EDIL3: variants seen among roughly 807,000 people sequenced by gnomAD.
EDIL3 encodes EGF like and discoidin domains 3.
EDIL3 carries 37 observed loss-of-function variants against 67.4 expected under a neutral mutation model. That is an observed-to-expected ratio of 0.55 (90% CI 0.42 to 0.72). The LOEUF (loss-of-function observed/expected upper bound fraction) is 0.72, where lower values mean the gene tolerates loss of function less well. Among genes scored for constraint, EDIL3 ranks in the 30% least tolerant of loss-of-function variants. The pLI is 0.00. For synonymous variants in EDIL3, 195 were observed against 196.3 expected, an observed-to-expected ratio of 0.99 and a Z score of 0.05; for missense variants, 527 against 586.3, an observed-to-expected ratio of 0.90 and a Z score of 1.04.
intron 1 of EDIL3, among the ~76,000 whole-genome samples, chr5:84,370,281 A>T (rs2112211165): frequency 6.6e-6 from 1 of 152,350 alleles, no homozygotes; most frequent in African/African-American, 2.4e-5. Context: ...TTACACAAAC[A>T]ACTCTAAACA....
At chr5:84,294,721 C>T (rs1746007366) in intron 1 of EDIL3, among the ~76,000 whole-genome samples, 2 of 152,110 alleles carry the variant, frequency 1.3e-5, no homozygotes, top group Non-Finnish European at 2.9e-5. Context: ...AATTGGCCAA[C>T]ATTTACTAGT....
Position 84,208,901 on chromosome 5 carries a change from T to G in EDIL3, c.226+20954A>C, listed in dbSNP as rs548956155. Among the ~76,000 whole-genome samples, 275 of 152,136 alleles carry G rather than the reference T, an allele frequency of 1.8e-3. 2 individuals are homozygous for G. Among genetic ancestry groups the G allele is most frequent in the African/African-American group, 6.4e-3 (266 of 41,484 alleles). Reference sequence around the variant, plus strand: ...TATATACCCAAAGGACTATAAATCATGCTGCTATAAAGACACATGCACATC... The same window carrying G: ...TATATACCCAAAGGACTATAAATCAGGCTGCTATAAAGACACATGCACATC... On this transcript the variant is annotated intron_variant, in intron 3 of 10. Coordinates refer to ENST00000296591, the MANE Select transcript of EDIL3 (RefSeq NM_005711.5).
chr5:84,324,843 A>G (rs1413420195), intron 1 of EDIL3, among the ~76,000 whole-genome samples: 2 of 151,758 alleles, frequency 1.3e-5, no homozygotes, highest in Non-Finnish European at 3.0e-5. Context: ...AAGCACTGTC[A>G]TCACTAAATG....
intron 6 of EDIL3, among the ~76,000 whole-genome samples, chr5:84,092,097 A>C (rs913512360): frequency 6.6e-6 from 1 of 152,142 alleles, no homozygotes; most frequent in Admixed American, 6.5e-5. Context: ...GGGGCAATTT[A>C]ACTGGTCATG....
intron 2 of EDIL3, among the ~76,000 whole-genome samples, chr5:84,248,648 CT>C (rs1161155256): frequency 1.3e-5 from 2 of 152,274 alleles, no homozygotes; most frequent in Non-Finnish European, 2.9e-5. Flanking sequence ...ATGTGAAATA[CT>C]GAACTCTCCT....
At chr5:83,960,122 C>T (rs1185550879) in intron 10 of EDIL3, among the ~76,000 whole-genome samples, 1 of 150,930 alleles carries the variant, frequency 6.6e-6, no homozygotes. Context: ...TTATCTTAGG[C>T]TTTTCTTCAT....
chr5:84,330,304 A>G (rs1036401798), intron 1 of EDIL3, among the ~76,000 whole-genome samples: 6 of 152,192 alleles, frequency 3.9e-5, no homozygotes, highest in African/African-American at 1.4e-4. Context: ...GCAAGAGTAC[A>G]TCCTGCTTTC....
At chr5:84,140,429 G>A (rs997616669) in intron 4 of EDIL3, among the ~76,000 whole-genome samples, 7 of 152,020 alleles carry the variant, frequency 4.6e-5, no homozygotes, top group Non-Finnish European at 7.4e-5. Flanking sequence ...TCTTTACACC[G>A]TAAGTAGTAA....
intron 6 of EDIL3, among the ~76,000 whole-genome samples, chr5:84,078,230 G>A (rs1044844512): frequency 2.6e-5 from 4 of 152,066 alleles, no homozygotes; most frequent in African/African-American, 4.8e-5. Context: ...TGTTAGCAAA[G>A]GAGAGCAGCT....
At chr5:83,992,097 T>C in intron 9 of EDIL3, among the ~76,000 whole-genome samples, 1 of 152,150 alleles carries the variant, frequency 6.6e-6, no homozygotes, top group East Asian at 1.9e-4. Flanking sequence ...ACATACATCA[T>C]CTTCCAGTGA....
Position 84,289,035 on chromosome 5 carries a change from AC to A in EDIL3, c.68-34824del, listed in dbSNP as rs558756724. ...CTCAAAGCTTGGGGATTGTAACTGT[AC>A]CTGTCTTATCCTAGAATGGCACATT... On this transcript the variant is annotated intron_variant, in intron 1 of 10. Coordinates refer to ENST00000296591, the MANE Select transcript of EDIL3 (RefSeq NM_005711.5). Among the ~76,000 whole-genome samples the A allele has an allele frequency of 2.1e-3, 317 of 152,262 alleles. 2 individuals are homozygous for A. Among genetic ancestry groups the A allele is most frequent in the Middle Eastern group, 3.4e-3 (1 of 294 alleles).
rs1239832107 is a variant in EDIL3 at position 84,202,999 on chromosome 5, T to C, written c.227-22478A>G. On this transcript the variant is annotated intron_variant, in intron 3 of 10. Coordinates refer to ENST00000296591, the MANE Select transcript of EDIL3 (RefSeq NM_005711.5). ...AGGCAAGGAGACTGGAAAGACTATA[T>C]TCAGGGGGCAGGCAAAAGAAACAGG... 3.3e-5 allele frequency among the ~76,000 whole-genome samples: 5 copies of C among 152,048 alleles called. No individual in the cohort carries two copies. The East Asian group carries it at 7.7e-4, about 24-fold the overall frequency.
intron 1 of EDIL3, among the ~76,000 whole-genome samples, chr5:84,320,771 A>G (rs1370240615): frequency 6.6e-6 from 1 of 152,114 alleles, no homozygotes; most frequent in African/African-American, 2.4e-5. Flanking sequence ...TAAATATAGG[A>G]CTAAAACAAA....
At chr5:84,314,750 C>T (rs966613303) in intron 1 of EDIL3, among the ~76,000 whole-genome samples, 4 of 151,992 alleles carry the variant, frequency 2.6e-5, no homozygotes, top group African/African-American at 9.7e-5. Context: ...TAAATTCTTA[C>T]AAAATCTTCA....
At chr5:84,363,566 G>T (rs753675489) in intron 1 of EDIL3, among the ~76,000 whole-genome samples, 4 of 151,980 alleles carry the variant, frequency 2.6e-5, no homozygotes, top group Non-Finnish European at 4.4e-5. Flanking sequence ...CATAATATTG[G>T]CTAAAATATT....
chr5:83,949,878 G>T (rs1744387143), intron 10 of EDIL3, among the ~76,000 whole-genome samples: 1 of 151,750 alleles, frequency 6.6e-6, no homozygotes, highest in Non-Finnish European at 1.5e-5. Flanking sequence ...GTTTCCCAGG[G>T]GGCTCTGGGC....
Position 84,060,426 on chromosome 5 carries a change from G to A in EDIL3, c.1011C>T (p.Ala337=). Residue 337 remains alanine, a synonymous_variant, in exon 9 of 11, where the codon GCC becomes GCT. Transcript: ENST00000296591. ...TGTTGAGCGTTCTGAAGATGCTGGA[G>A]GCAGTGATCTGATAGTCTTGTATAT... ...SGHIQDYQIT[A]SSIFRTLNMD... is the part of the protein sequence containing the mutation. 6.2e-7 allele frequency: 1 copy of A among 1,613,750 alleles called. No individual in the cohort carries two copies. The highest frequency in any genetic ancestry group is 8.5e-7 in the Non-Finnish European group (1 of 1,179,816).
chr5:83,991,520 G>A (rs1378948223), intron 9 of EDIL3, among the ~76,000 whole-genome samples: 1 of 151,970 alleles, frequency 6.6e-6, no homozygotes. Flanking sequence ...TGAACTTTTT[G>A]AAAGTTAACA....
intron 1 of EDIL3, among the ~76,000 whole-genome samples, chr5:84,376,233 C>G (rs948778749): frequency 6.6e-6 from 1 of 152,048 alleles, no homozygotes; most frequent in Non-Finnish European, 1.5e-5. Context: ...AGTATGCAGT[C>G]AATACATGTT....
Sources: allele counts gnomAD v4.1 joint callset (sites outside exome capture counted in the v4.1 genomes callset), GRCh38; gene constraint gnomAD v4.1.1; transcripts MANE v1.5; gene names NCBI Gene and HGNC (gene_info 2026-07-23, HGNC 2026-07-21).